RPTOR: variants seen among roughly 807,000 people sequenced by gnomAD.
The protein encoded by RPTOR is regulatory-associated protein of mTOR.
In RPTOR, 21 loss-of-function variants were observed where a neutral mutation model predicts 169.9. That is an observed-to-expected ratio of 0.12 (90% confidence interval 0.09 to 0.18). RPTOR has a LOEUF of 0.18. Among genes scored for constraint, RPTOR ranks in the 10% least tolerant of loss-of-function variants. RPTOR has a pLI of 1.00. For synonymous variants in RPTOR, 732 were observed against 753.2 expected (o/e 0.97, Z 0.46); for missense variants, 1,133 against 1,855.9 (o/e 0.61, Z 7.16).
chr17:80,883,697 GCCACCGTTGTCCCGTGCAGGTAC>G (rs2068210636), intron 15 of RPTOR, 61 bp from the exon 16 acceptor site: 3 of 1,445,738 alleles, frequency 2.1e-6, no homozygotes, highest in Non-Finnish European at 1.9e-6. Flanking sequence ...AGAATGGGTG[GCCACCGTTGTCCCGTGCAGGTAC>G]CCACCACGTG....
At chr17:80,666,955 A>G (rs185639376) in intron 3 of RPTOR, among the ~76,000 whole-genome samples, 23 of 152,302 alleles carry the variant, frequency 1.5e-4, no homozygotes, top group African/African-American at 5.5e-4. Flanking sequence ...AGTCCAGCCA[A>G]CAGCACTCCA....
rs1324776239 is a variant in RPTOR at position 80,627,040 on chromosome 17, GAT to G, written c.265+1250_265+1251del. Among the ~76,000 whole-genome samples the G allele has an allele frequency of 4.6e-5, 7 of 152,254 alleles. No homozygotes were observed. The East Asian group carries it at 1.3e-3, about 29-fold the overall frequency. ...TCTAGGGACCTCATATCAGTAGACT[GAT>G]ATTTGTCCCTTTGTTTCTGCCTTCT... On this transcript the variant is annotated intron_variant, in intron 2 of 33. Coordinates refer to ENST00000306801, the MANE Select transcript of RPTOR (RefSeq NM_020761.3).
chr17:80,797,557 A>G (rs2067113276), intron 7 of RPTOR, among the ~76,000 whole-genome samples: 1 of 152,242 alleles, frequency 6.6e-6, no homozygotes, highest in Non-Finnish European at 1.5e-5. Flanking sequence ...TGCTTGGATT[A>G]TAGGCGTGAG....
chr17:80,854,528 A>G (rs193290875), intron 11 of RPTOR, among the ~76,000 whole-genome samples: 2 of 152,350 alleles, frequency 1.3e-5, no homozygotes, highest in East Asian at 3.9e-4. Flanking sequence ...ACTCACATTT[A>G]TCTTAGTGGA....
chr17:80,654,319 A>G (rs1199258330), intron 3 of RPTOR, among the ~76,000 whole-genome samples: 4 of 152,378 alleles, frequency 2.6e-5, no homozygotes, highest in African/African-American at 4.8e-5. Flanking sequence ...AAATCGGGAA[A>G]GACCCCTCCC....
At chr17:80,688,843 G>A (rs1299583240) in intron 3 of RPTOR, among the ~76,000 whole-genome samples, 1 of 152,264 alleles carries the variant, frequency 6.6e-6, no homozygotes, top group East Asian at 1.9e-4. Context: ...GCCTGGCCCA[G>A]GCCGGCGCAT....
rs2066573287 is a variant in RPTOR at position 80,746,247 on chromosome 17, AGCGGTGCTTTCTGCGGGT to A, written c.655-7761_655-7744del. On this transcript the variant is annotated intron_variant, in intron 5 of 33. Transcript: ENST00000306801. The surrounding 1 kb of genome is among the most constrained non-coding windows in gnomAD (Gnocchi z 4.5). ...TGCGGGTGATCCCCACCGCCCCCAC[AGCGGTGCTTTCTGCGGGT>A]GATCCCCACCGCCCCCACAGCGGTG... is the stretch of plus-strand genomic sequence containing the variant. 1.4e-5 allele frequency among the ~76,000 whole-genome samples: 2 copies of A among 138,190 alleles called. No individual in the cohort carries two copies. Among genetic ancestry groups the A allele is most frequent in the East Asian group, 4.2e-4 (2 of 4,748 alleles). The allele number at this position is 138,190 out of a possible 152,430, so 90.7% of individuals were successfully genotyped here.
chr17:80,675,856 T>A (rs2065857984), intron 3 of RPTOR, among the ~76,000 whole-genome samples: 2 of 152,222 alleles, frequency 1.3e-5, no homozygotes, highest in East Asian at 3.9e-4. Flanking sequence ...TCCACCACAT[T>A]GCTGGACATT....
intron 3 of RPTOR, among the ~76,000 whole-genome samples, chr17:80,652,754 G>C (rs184166583): frequency 1.3e-5 from 2 of 152,350 alleles, no homozygotes; most frequent in African/African-American, 2.4e-5. Flanking sequence ...CTGCCCACTA[G>C]TGGGGTTGCT....
At chr17:80,565,695 T>C (rs944765173) in intron 1 of RPTOR, among the ~76,000 whole-genome samples, 3 of 140,078 alleles carry the variant, frequency 2.1e-5, no homozygotes, top group South Asian at 2.3e-4. Context: ...GGCATGGGTG[T>C]GGGAGCTGTC....
At chr17:80,921,376 C>T (rs1392636597) in intron 21 of RPTOR, among the ~76,000 whole-genome samples, 5 of 152,204 alleles carry the variant, frequency 3.3e-5, no homozygotes, top group African/African-American at 4.8e-5. Flanking sequence ...CCCTTCTGAA[C>T]GCGCACAGCC....
intron 6 of RPTOR, among the ~76,000 whole-genome samples, chr17:80,777,161 A>T (rs1291427513): frequency 6.6e-6 from 1 of 151,726 alleles, no homozygotes; most frequent in Admixed American, 6.6e-5. Context: ...CGCTTGAACC[A>T]GGGAGTCGGA....
At chr17:80,545,965 T>C (rs1306944772) in intron 1 of RPTOR, among the ~76,000 whole-genome samples, 174 bp downstream of exon 1, 2 of 152,166 alleles carry the variant, frequency 1.3e-5, no homozygotes, top group African/African-American at 2.4e-5. Context: ...AAATGGAAAA[T>C]GCTGTTTTGG....
At chr17:80,743,839 C>CCCTGGCTACTAGCACTCT (rs1567887473) in intron 5 of RPTOR, among the ~76,000 whole-genome samples, 8 of 81,548 alleles carry the variant, frequency 9.8e-5, no homozygotes, top group African/African-American at 3.3e-4. Context: ...ACTAGCACAG[C>CCCTGGCTACTAGCACTCT]CCTGGTTACT....
At chr17:80,673,280 GAAAC>G (rs761186533) in intron 3 of RPTOR, among the ~76,000 whole-genome samples, 18 of 152,258 alleles carry the variant, frequency 1.2e-4, no homozygotes, top group Non-Finnish European at 1.6e-4. Context: ...TAAAGATTAG[GAAAC>G]AAACAAGTCA....
intron 28 of RPTOR, among the ~76,000 whole-genome samples, chr17:80,951,483 C>T (rs543174558): frequency 6.6e-6 from 1 of 152,216 alleles, no homozygotes; most frequent in Non-Finnish European, 1.5e-5. Context: ...AGAGGCGTCT[C>T]GCCAGACGTA....
At chr17:80,727,647 C>A (rs1389699321) in intron 4 of RPTOR, among the ~76,000 whole-genome samples, 1 of 152,238 alleles carries the variant, frequency 6.6e-6, no homozygotes, top group Non-Finnish European at 1.5e-5. Context: ...GCAGGACAGA[C>A]TTCACTGGAA....
intron 3 of RPTOR, among the ~76,000 whole-genome samples, chr17:80,671,317 TGAGA>T (rs137892931): frequency 2.0e-5 from 3 of 151,780 alleles, no homozygotes; most frequent in South Asian, 2.1e-4. Flanking sequence ...GGCGTGCGTG[TGAGA>T]GAGAGAGAGT....
intron 17 of RPTOR, among the ~76,000 whole-genome samples, chr17:80,890,530 A>C: frequency 1.5e-5 from 2 of 134,574 alleles, no homozygotes; most frequent in Non-Finnish European, 3.2e-5. Flanking sequence ...CTTGGTGCCC[A>C]GCAGGGTGGG....
Sources: gnomAD v4.1 joint callset for allele counts (sites outside exome capture counted in the v4.1 genomes callset) on GRCh38, gnomAD v4.1.1 for gene constraint, Gnocchi (gnomAD v3.1) non-coding constraint, MANE v1.5 for transcripts, NCBI Gene and HGNC (gene_info 2026-07-23, HGNC 2026-07-21) for gene names.